The following LHFPL6 variants were observed in gnomAD, a reference collection of about 807,000 sequenced individuals.
LHFPL6 encodes the protein LHFPL tetraspan subfamily member 6.
Under a neutral mutation model 20.6 loss-of-function variants are expected in LHFPL6, and 9 were observed. The observed-to-expected ratio is 0.44, with a 90% confidence interval of 0.26 to 0.76. The LOEUF (loss-of-function observed/expected upper bound fraction) is 0.76. Among genes scored for constraint, LHFPL6 ranks in the 30% least tolerant of loss-of-function variants. The pLI is 0.20. For synonymous variants in LHFPL6, 105 were observed against 98.7 expected, an observed-to-expected ratio of 1.06 and a Z score of -0.38; for missense variants, 218 against 253.5, an observed-to-expected ratio of 0.86 and a Z score of 0.95.
At chr13:39,547,609 T>C (rs1871020940) in intron 2 of LHFPL6, among the ~76,000 whole-genome samples, 1 of 152,130 alleles carries the variant, frequency 6.6e-6, no homozygotes. Flanking sequence ...GCAGCAAATC[T>C]GATCTGGACC....
At chr13:39,560,184 T>C (rs1412337608) in intron 2 of LHFPL6, among the ~76,000 whole-genome samples, 1 of 152,258 alleles carries the variant, frequency 6.6e-6, no homozygotes, top group Non-Finnish European at 1.5e-5. Context: ...ATACCTCCTG[T>C]TATCAACAAA....
At chr13:39,510,694 A>G (rs1447982927) in intron 2 of LHFPL6, among the ~76,000 whole-genome samples, 8 of 152,216 alleles carry the variant, frequency 5.3e-5, no homozygotes, top group Non-Finnish European at 1.2e-4. Flanking sequence ...CAGGAGTTAC[A>G]GAACTAGCTA....
rs969691056 is a variant in LHFPL6, at chr13:39,431,412, G to A, written c.386-52886C>T. On this transcript the variant is annotated intron_variant, in intron 2 of 3. Transcript: ENST00000379589. ...CCACGGCTTCATTCTTGAAGTCAGC[G>A]AGACCAAGAACCCACTGGAAGGAAC... Among the ~76,000 whole-genome samples the A allele has an allele frequency of 3.9e-5, 6 of 152,192 alleles. No individual in the cohort carries two copies. The East Asian group carries it at 5.8e-4, about 15-fold the overall frequency.
chr13:39,599,035 A>C (rs1250433393), intron 2 of LHFPL6, among the ~76,000 whole-genome samples: 1 of 152,218 alleles, frequency 6.6e-6, no homozygotes, highest in Admixed American at 6.5e-5. Flanking sequence ...TATAATTCAA[A>C]AAAAATCTAT....
chr13:39,539,136 G>T (rs902852979), intron 2 of LHFPL6, among the ~76,000 whole-genome samples: 4 of 152,158 alleles, frequency 2.6e-5, no homozygotes, highest in Non-Finnish European at 2.9e-5. Flanking sequence ...AAAAATAGAA[G>T]CTGGGCTTAT....
chr13:39,465,922 G>A (rs897172168), intron 2 of LHFPL6, among the ~76,000 whole-genome samples: 26 of 152,014 alleles, frequency 1.7e-4, no homozygotes, highest in Non-Finnish European at 1.2e-4. Flanking sequence ...CCACTCAGAA[G>A]ACTGAACTAG....
At chr13:39,349,686 A>G (rs183189678) in intron 3 of LHFPL6, among the ~76,000 whole-genome samples, 284 of 152,370 alleles carry the variant, frequency 1.9e-3, no homozygotes, top group Non-Finnish European at 1.7e-3. Flanking sequence ...AAGGCAGCAT[A>G]TTGCAAGTGA....
At chr13:39,593,396 C>A (rs1456870993) in intron 2 of LHFPL6, among the ~76,000 whole-genome samples, 1 of 152,094 alleles carries the variant, frequency 6.6e-6, no homozygotes, top group Non-Finnish European at 1.5e-5. Flanking sequence ...ACCTAGGAAT[C>A]CAACTCACAA....
At chr13:39,514,470 G>A (rs959469608) in intron 2 of LHFPL6, among the ~76,000 whole-genome samples, 1 of 152,184 alleles carries the variant, frequency 6.6e-6, no homozygotes, top group African/African-American at 2.4e-5. Flanking sequence ...CTAGGCAGTA[G>A]GTATTGTACC....
chr13:39,382,954 G>A (rs926564320), intron 2 of LHFPL6, among the ~76,000 whole-genome samples: 3 of 152,054 alleles, frequency 2.0e-5, no homozygotes, highest in South Asian at 2.1e-4. Context: ...AAAAATGTAC[G>A]TTACAAACCG....
At chr13:39,533,494 C>T (rs1870528172) in intron 2 of LHFPL6, among the ~76,000 whole-genome samples, 1 of 152,156 alleles carries the variant, frequency 6.6e-6, no homozygotes, top group Non-Finnish European at 1.5e-5. Context: ...TCGCTTTCAC[C>T]CAAACCTCAT....
At chr13:39,563,056 T>G (rs1415091738) in intron 2 of LHFPL6, among the ~76,000 whole-genome samples, 1 of 144,464 alleles carries the variant, frequency 6.9e-6, no homozygotes, top group African/African-American at 2.5e-5. Context: ...AATTCCTCAT[T>G]AAATGAGTCA....
At chr13:39,412,326 C>A (rs997890193) in intron 2 of LHFPL6, among the ~76,000 whole-genome samples, 1 of 152,130 alleles carries the variant, frequency 6.6e-6, no homozygotes, top group Non-Finnish European at 1.5e-5. Context: ...GGGGAATTAG[C>A]AGACAGAAAT....
At chr13:39,438,132 G>C (rs1295083484) in intron 2 of LHFPL6, among the ~76,000 whole-genome samples, 2 of 152,144 alleles carry the variant, frequency 1.3e-5, no homozygotes, top group Non-Finnish European at 2.9e-5. Context: ...AGGCTGAGGA[G>C]GTCTCAGATG....
intron 2 of LHFPL6, among the ~76,000 whole-genome samples, chr13:39,489,348 C>T (rs1868835217): frequency 6.6e-6 from 1 of 152,136 alleles, no homozygotes; most frequent in South Asian, 2.1e-4. Context: ...GGTTCCAGTC[C>T]CAGCACTGTT....
At chr13:39,383,356 C>T (rs1870489218) in intron 2 of LHFPL6, among the ~76,000 whole-genome samples, 1 of 152,240 alleles carries the variant, frequency 6.6e-6, no homozygotes, top group African/African-American at 2.4e-5. Context: ...AGATCTTAAC[C>T]TGGACTGCCC....
intron 2 of LHFPL6, among the ~76,000 whole-genome samples, chr13:39,445,332 T>G (rs1872258272): frequency 6.6e-6 from 1 of 152,204 alleles, no homozygotes; most frequent in South Asian, 2.1e-4. Flanking sequence ...AACATGAATT[T>G]GGGGCTTTAA....
chr13:39,396,427 C>T (rs1870843688), intron 2 of LHFPL6, among the ~76,000 whole-genome samples: 2 of 152,230 alleles, frequency 1.3e-5, no homozygotes, highest in South Asian at 4.2e-4. Context: ...AAGGTTGTTG[C>T]AGATGTAATT....
At chr13:39,429,186 G>GT (rs66526631) in intron 2 of LHFPL6, among the ~76,000 whole-genome samples, 148 of 148,370 alleles carry the variant, frequency 1.0e-3, no homozygotes, top group African/African-American at 1.4e-3. Context: ...TATCCTTACT[G>GT]TTTTTTTTTT....
Sources: gnomAD v4.1 joint callset for allele counts (sites outside exome capture counted in the v4.1 genomes callset) on GRCh38, gnomAD v4.1.1 for gene constraint, MANE v1.5 for transcripts, NCBI Gene and HGNC (gene_info 2026-07-23, HGNC 2026-07-21) for gene names.